MLLT10: variants seen among roughly 807,000 people sequenced by gnomAD.
MLLT10 encodes protein AF-10.
In MLLT10, 30 loss-of-function variants were observed where a neutral mutation model predicts 129.1. The ratio of observed to expected loss-of-function variants is 0.23; its 90% CI spans 0.17 to 0.32. The LOEUF (loss-of-function observed/expected upper bound fraction) is 0.32. Ranked by LOEUF, MLLT10 falls within the 10% of genes least tolerant of loss-of-function variation. The pLI is 1.00. For missense variants in MLLT10, 1,119 were observed against 1,268.3 expected (o/e 0.88, Z 1.79); for synonymous variants, 490 against 446.4 (o/e 1.10, Z -1.23).
intron 13 of MLLT10, among the ~76,000 whole-genome samples, chr10:21,683,473 T>G (rs1445157921): frequency 1.3e-5 from 2 of 152,172 alleles, no homozygotes; most frequent in African/African-American, 4.8e-5. Flanking sequence ...CATAAGTAAA[T>G]TTAGAATTGT....
At chr10:21,689,605 A>G (rs1388743961) in intron 13 of MLLT10, among the ~76,000 whole-genome samples, 1 of 138,854 alleles carries the variant, frequency 7.2e-6, no homozygotes, top group Non-Finnish European at 1.5e-5. Flanking sequence ...TGTGTTTTAT[A>G]TATATATATA....
Position 21,726,349 on chromosome 10 carries a change from C to G in MLLT10, c.1984C>G (p.Gln662Glu), listed in dbSNP as rs752076300. 4 of 1,604,636 alleles carry G rather than the reference C, an allele frequency of 2.5e-6. No homozygotes were observed. In the Admixed American group the frequency reaches 6.7e-5, roughly 27 times the overall value. Residue 662 changes from glutamine (Q) to glutamate (E), a missense_variant, in exon 15 of 23, where the codon CAA becomes GAA. Gln to Glu is a conservative substitution (Grantham distance 29, BLOSUM62 2). Transcript: ENST00000307729. The part of the protein sequence containing the change: ...AALIAQSENN[Q>E]TDQDLGDNSR... Reference sequence around the variant, plus strand: ...TCTTATAGCTCAGTCTGAAAACAATCAAACAGGTAAGTTTTCAAGAATTAC... The same window carrying G: ...TCTTATAGCTCAGTCTGAAAACAATGAAACAGGTAAGTTTTCAAGAATTAC...
At chr10:21,620,978 C>T (rs2045755799) in intron 8 of MLLT10, among the ~76,000 whole-genome samples, 1 of 151,266 alleles carries the variant, frequency 6.6e-6, no homozygotes, top group Non-Finnish European at 1.5e-5. Flanking sequence ...CCACCATACC[C>T]TGCCAAGAAT....
intron 3 of MLLT10, among the ~76,000 whole-genome samples, chr10:21,539,948 GA>G (rs551675253): frequency 2.1e-4 from 28 of 135,460 alleles, no homozygotes; most frequent in South Asian, 7.2e-4. Flanking sequence ...CTCAGGAAAG[GA>G]AAAAAAAAAA....
intron 2 of MLLT10, among the ~76,000 whole-genome samples, chr10:21,538,086 G>A (rs974767885): frequency 1.0e-4 from 15 of 150,292 alleles, no homozygotes; most frequent in African/African-American, 3.2e-4. Context: ...CTGCAGCCTT[G>A]ACTTCCCAGG....
intron 9 of MLLT10, among the ~76,000 whole-genome samples, chr10:21,657,392 C>CA (rs904471815): frequency 0.14 from 6,268 of 44,922 alleles, 309 homozygotes; most frequent in East Asian, 0.23. Context: ...GACTCTGTCT[C>CA]AAAAAAAAAA....
intron 2 of MLLT10, among the ~76,000 whole-genome samples, chr10:21,537,033 C>A (rs1462798640): frequency 6.6e-6 from 1 of 152,100 alleles, no homozygotes; most frequent in Non-Finnish European, 1.5e-5. Flanking sequence ...GGTGATCTGC[C>A]TGCCTTGGCC....
chr10:21,643,842 T>G lies in MLLT10; in HGVS notation c.700-7831T>G, dbSNP rs183866111. 1.5e-4 allele frequency among the ~76,000 whole-genome samples: 23 copies of G among 152,348 alleles called. No individual in the cohort carries two copies. The East Asian group carries it at 3.8e-3, about 25-fold the overall frequency. On this transcript the variant is annotated intron_variant, in intron 8 of 22. Transcript: ENST00000307729. The stretch of plus-strand genomic sequence containing the variant: ...TTTGAATATACCTTCTGTTCCCCAT[T>G]CATTGAATTCTCTGCTTCAGGGATA...
Position 21,651,785 on chromosome 10 carries a change from A to G in MLLT10, c.795+17A>G, listed in dbSNP as rs1336891411. On this transcript the variant is annotated intron_variant, in intron 9 of 22. Transcript: ENST00000307729. Reference sequence around the variant, plus strand: ...ACAGAAAAAGTAAGTTTTAAGTATCATATTTTGTTTTATGTAATAAGTAGT... The same window carrying G: ...ACAGAAAAAGTAAGTTTTAAGTATCGTATTTTGTTTTATGTAATAAGTAGT... 2 of 1,565,944 alleles carry G rather than the reference A, an allele frequency of 1.3e-6. No homozygotes were observed. Among genetic ancestry groups the G allele is most frequent in the East Asian group, 2.2e-5 (1 of 44,566 alleles).
At position 21,534,670 on chromosome 10, in the gene MLLT10, C is replaced by T. The variant is rs1238528613; in HGVS notation, c.26C>T (p.Ser9Leu). 4 of 1,612,112 alleles carry T rather than the reference C, an allele frequency of 2.5e-6. 1 individual carries two copies. In the South Asian group the frequency reaches 4.4e-5, roughly 18 times the overall value. Reference sequence around the variant, plus strand: ...ATGGTCTCTAGCGACCGGCCCGTGTCACTGGAGGACGAGGTCTCCCATAGT... The same window carrying T: ...ATGGTCTCTAGCGACCGGCCCGTGTTACTGGAGGACGAGGTCTCCCATAGT... MVSSDRPV[S>L]LEDEVSHSMK... is the part of the protein sequence containing the mutation. The change falls in exon 2 of 23, where the codon TCA becomes TTA. Residue 9 changes from serine to leucine, a missense_variant. Around this residue, in one of 5 missense-constraint regions of MLLT10, gnomAD observed 35 missense variants for 26.0 expected, o/e 1.35. Transcript: ENST00000307729.
intron 8 of MLLT10, among the ~76,000 whole-genome samples, chr10:21,638,257 T>TGGGGGGG (rs1554827242): frequency 1.2e-5 from 1 of 80,530 alleles, no homozygotes; most frequent in African/African-American, 5.5e-5. Context: ...TTCTTTTTGG[T>TGGGGGGG]GGGGGGAGGG....
chr10:21,609,255 T>A (rs768668441), intron 5 of MLLT10, among the ~76,000 whole-genome samples: 4 of 152,258 alleles, frequency 2.6e-5, no homozygotes, highest in Admixed American at 6.5e-5. Flanking sequence ...GAGGTGTTTG[T>A]TGTTTAGACA....
At chr10:21,690,894 T>C (rs1428727939) in intron 13 of MLLT10, among the ~76,000 whole-genome samples, 1 of 152,168 alleles carries the variant, frequency 6.6e-6, no homozygotes, top group Non-Finnish European at 1.5e-5. Flanking sequence ...TATCCTCTTT[T>C]TTACTTTTGT....
intron 10 of MLLT10, 32 bp from the exon 11 acceptor site, chr10:21,673,318 C>CT (rs397719980): frequency 0.017 from 5,075 of 306,926 alleles, 16 homozygotes; most frequent in East Asian, 0.028. Context: ...CACCCCCCAA[C>CT]TTTTTTTTTT....
chr10:21,683,435 G>T (rs1244949406), intron 13 of MLLT10, among the ~76,000 whole-genome samples: 1 of 152,180 alleles, frequency 6.6e-6, no homozygotes, highest in African/African-American at 2.4e-5. Flanking sequence ...TGTAAAAGCT[G>T]AGGATGTTTA....
At chr10:21,690,038 A>C (rs2053706217) in intron 13 of MLLT10, among the ~76,000 whole-genome samples, 1 of 151,998 alleles carries the variant, frequency 6.6e-6, no homozygotes, top group African/African-American at 2.4e-5. Context: ...CACAGAATTA[A>C]ATAGAGCTTG....
At chr10:21,533,889 G>T (rs563107180), upstream of MLLT10, among the ~76,000 whole-genome samples, 19 of 152,288 alleles carry the variant, frequency 1.2e-4, no homozygotes, top group South Asian at 3.9e-3. Flanking sequence ...CTCCCCTCTG[G>T]CGATTCTGAG....
At position 21,586,935 on chromosome 10, in the gene MLLT10, A is replaced by AT. The variant is rs907972228; in HGVS notation, c.295+599dup. On this transcript the variant is annotated intron_variant, in intron 4 of 22. Coordinates refer to ENST00000307729, the MANE Select transcript of MLLT10 (RefSeq NM_001195626.3). Reference sequence around the variant, plus strand: ...ATGGATATAGTTTCTTATGTTAGGAATTTTTTTTTTTTGAAAAATGAGCCA... The same window carrying AT: ...ATGGATATAGTTTCTTATGTTAGGAATTTTTTTTTTTTTGAAAAATGAGCCA... Among the ~76,000 whole-genome samples the AT allele has an allele frequency of 4.6e-4, 68 of 146,318 alleles. 1 individual carries two copies. The highest frequency in any genetic ancestry group is 1.3e-3 in the South Asian group (6 of 4,606).
At chr10:21,595,653 AC>A (rs2042958138) in intron 5 of MLLT10, 1 of 436,940 alleles carries the variant, frequency 2.3e-6, no homozygotes, top group Non-Finnish European at 4.1e-6. Context: ...TTTTATAGTA[AC>A]CTAGGTATTT....
Sources: allele counts gnomAD v4.1 joint callset (sites outside exome capture counted in the v4.1 genomes callset), GRCh38; gene constraint gnomAD v4.1.1; regional missense constraint gnomAD v4.1.1; transcripts MANE v1.5; gene names NCBI Gene and HGNC (gene_info 2026-07-23, HGNC 2026-07-21).